Variants in TRPM6 observed in about 807,000 individuals in gnomAD.
TRPM6 encodes the protein transient receptor potential cation channel subfamily M member 6, also known as channel kinase 2.
A neutral mutation model predicts 247.6 loss-of-function variants in TRPM6; 111 were observed. That is an observed-to-expected ratio of 0.45 (90% CI 0.38 to 0.52). TRPM6 has a LOEUF of 0.52. TRPM6 is among the 20% of genes least tolerant of loss of function. The pLI, the probability that TRPM6 is intolerant of heterozygous loss-of-function variation, is 0.00. For synonymous variants in TRPM6, 892 were observed against 853.8 expected, an observed-to-expected ratio of 1.04 and a Z score of -0.78; for missense variants, 2,126 against 2,421.5, an observed-to-expected ratio of 0.88 and a Z score of 2.56.
intron 36 of TRPM6, among the ~76,000 whole-genome samples, chr9:74,732,965 G>A (rs1010821662): frequency 1.3e-5 from 2 of 152,046 alleles, no homozygotes; most frequent in African/African-American, 2.4e-5. Context: ...GGGTGGAGGT[G>A]GGCAGATGAC....
At chr9:74,854,985 G>GT (rs1302719320) in intron 3 of TRPM6, among the ~76,000 whole-genome samples, 1 of 152,110 alleles carries the variant, frequency 6.6e-6, no homozygotes, top group Non-Finnish European at 1.5e-5. Context: ...AGTCCCAAAT[G>GT]TTTTTTTCCA....
intron 19 of TRPM6, among the ~76,000 whole-genome samples, chr9:74,791,781 G>T (rs968659852): frequency 1.3e-5 from 2 of 151,914 alleles, no homozygotes; most frequent in East Asian, 3.9e-4. Context: ...TTTGAGATGG[G>T]GTCTCGCTCT....
Position 74,849,867 on chromosome 9 carries a change from C to G in TRPM6, c.152+5660G>C, listed in dbSNP as rs533682468. Among the ~76,000 whole-genome samples the G allele has an allele frequency of 6.6e-5, 10 of 152,326 alleles. 1 individual carries two copies. The East Asian group carries it at 1.7e-3, about 26-fold the overall frequency. On this transcript the variant is annotated intron_variant, in intron 3 of 38. Transcript: ENST00000360774. ...TGCAGTAATGTAAGGATTGGTTGGA[C>G]AAGGTGGTCTCTAATGCCTTCCATT...
At chr9:74,827,673 A>G (rs1829388656) in intron 7 of TRPM6, 105 bp downstream of exon 7, 1 of 1,206,266 alleles carries the variant, frequency 8.3e-7, no homozygotes, top group African/African-American at 1.5e-5. Flanking sequence ...TAAGGAGGCT[A>G]GCTTGAGGGG....
At chr9:74,767,198 G>A (rs1587483912) in intron 25 of TRPM6, among the ~76,000 whole-genome samples, 1 of 152,108 alleles carries the variant, frequency 6.6e-6, no homozygotes, top group African/African-American at 2.4e-5. Flanking sequence ...CTGTACTGAT[G>A]AATTACAATG....
chr9:74,874,759 A>ATTT (rs34812726), intron 1 of TRPM6, among the ~76,000 whole-genome samples: 5 of 143,234 alleles, frequency 3.5e-5, no homozygotes, highest in African/African-American at 1.3e-4. Flanking sequence ...TTGTAATTGT[A>ATTT]TTTTTTTTTT....
chr9:74,761,545 C>A, intron 27 of TRPM6, 151 bp downstream of exon 27: 1 of 646,410 alleles, frequency 1.5e-6, no homozygotes, highest in South Asian at 1.6e-5. Context: ...CCCCACCCAT[C>A]TCTTAAAAAG....
rs748445601 is a variant in TRPM6, at chr9:74,842,181, G to A, written c.315C>T (p.His105=). 11 of 1,613,548 alleles carry A rather than the reference G, an allele frequency of 6.8e-6. No homozygotes were observed. In the East Asian group the frequency reaches 1.8e-4, roughly 26 times the overall value. Residue 105 remains histidine (H), a synonymous_variant, in exon 4 of 39, where the codon CAC becomes CAT. Transcript: ENST00000360774. ...ATTAGCAAACCTTGGCATGATGGGT[G>A]TGCTCTCCATCTTGGAAATTAATCG... ...FGTINFQDGE[H]THHAKYIRTS...
intron 35 of TRPM6, 32 bp downstream of exon 35, chr9:74,739,335 A>C (rs769887465): frequency 1.9e-6 from 3 of 1,594,324 alleles, no homozygotes; most frequent in Non-Finnish European, 2.6e-6. Context: ...TCCTACTTGA[A>C]ACAAAGGGCC....
intron 37 of TRPM6, among the ~76,000 whole-genome samples, chr9:74,730,028 G>A (rs961816282): frequency 6.6e-6 from 1 of 152,144 alleles, no homozygotes; most frequent in African/African-American, 2.4e-5. Context: ...GTGTAGGGGA[G>A]AATGAAGGAG....
intron 3 of TRPM6, among the ~76,000 whole-genome samples, chr9:74,854,654 A>AT (rs1415645219): frequency 2.0e-5 from 3 of 151,766 alleles, no homozygotes; most frequent in Non-Finnish European, 2.9e-5. Context: ...GAGGGTTCCA[A>AT]TTTTTTATTT....
Position 74,840,113 on chromosome 9 carries a change from G to A in TRPM6, c.455C>T (p.Pro152Leu). Reference sequence around the variant, plus strand: ...GCTGAAAATCTCTTTAAATTTAGAGGGCATAGTAAAGTTCTGGATGCCCCC... The same window carrying A: ...GCTGAAAATCTCTTTAAATTTAGAGAGCATAGTAAAGTTCTGGATGCCCCC... Reference protein sequence around the residue: ...VHGGIQNFTMPSKFKEIFSQG... With the variant: ...VHGGIQNFTMLSKFKEIFSQG... Residue 152 changes from proline (P) to leucine (L), a missense_variant, in exon 5 of 39, where the codon CCC becomes CTC. Physicochemically the swap from Pro to Leu is moderately conservative, Grantham distance 98. This residue lies in a region of TRPM6 where 1,082 missense variants were observed against 1,307.9 expected (regional missense o/e 0.83). Transcript: ENST00000360774. The A allele has an allele frequency of 1.2e-6, 2 of 1,613,940 alleles. No homozygotes were observed. Among genetic ancestry groups the A allele is most frequent in the Non-Finnish European group, 8.5e-7 (1 of 1,179,964 alleles).
At chr9:74,737,877 G>A (rs75252621) in intron 36 of TRPM6, among the ~76,000 whole-genome samples, 3,947 of 152,274 alleles carry the variant, frequency 0.026, 165 homozygotes, top group African/African-American at 0.087. Context: ...AGTCACATGT[G>A]AGGTATTGAT....
intron 37 of TRPM6, among the ~76,000 whole-genome samples, chr9:74,729,397 T>C (rs1825446032): frequency 1.3e-5 from 2 of 152,244 alleles, no homozygotes; most frequent in Admixed American, 6.5e-5. Context: ...CACTTCCTTT[T>C]GGCAGAATAA....
At chr9:74,758,714 G>A (rs967358836) in intron 27 of TRPM6, among the ~76,000 whole-genome samples, 5 of 152,074 alleles carry the variant, frequency 3.3e-5, no homozygotes, top group African/African-American at 1.2e-4. Flanking sequence ...TTTCCCCTAA[G>A]AACAGACACA....
rs1396275176 is a variant in TRPM6 at position 74,763,027 on chromosome 9, G to C, written c.3644C>G (p.Ser1215Cys). ...DSQVGHLQDLSALTVDTLKVL... is the reference protein window; with the variant it reads ...DSQVGHLQDLCALTVDTLKVL... ...TTTCAGGGTATCCACAGTCAGGGCA[G>C]AGAGATCCTGCAGGTGTCCCACCTG... Residue 1215 changes from serine (S) to cysteine (C), a missense_variant, in exon 26 of 39, where the codon TCT (serine) becomes TGT (cysteine). Physicochemically the swap from Ser to Cys is moderately radical, Grantham distance 112. Transcript: ENST00000360774. 1.2e-6 allele frequency: 2 copies of C among 1,614,120 alleles called. No individual in the cohort carries two copies. Among genetic ancestry groups the C allele is most frequent in the Non-Finnish European group, 8.5e-7 (1 of 1,180,008 alleles).
At chr9:74,771,897 T>C in intron 24 of TRPM6, 62 bp from the exon 25 acceptor site, 2 of 1,485,542 alleles carry the variant, frequency 1.3e-6, no homozygotes, top group Non-Finnish European at 9.4e-7. Context: ...TGAGTGGCTT[T>C]TCTTCCACTT....
intron 16 of TRPM6, among the ~76,000 whole-genome samples, chr9:74,801,649 G>A (rs1355676430): frequency 2.0e-5 from 3 of 152,060 alleles, no homozygotes; most frequent in African/African-American, 7.2e-5. Flanking sequence ...CCCGAAATCT[G>A]GTCAACTGAC....
At chr9:74,810,896 A>G (rs749347280) in intron 12 of TRPM6, 28 bp from the exon 13 acceptor site, 1 of 1,579,488 alleles carries the variant, frequency 6.3e-7, no homozygotes, top group African/African-American at 1.3e-5. Flanking sequence ...AGGAAGAATT[A>G]TTCTCTTTAA....
Sources: allele counts gnomAD v4.1 joint callset (sites outside exome capture counted in the v4.1 genomes callset), GRCh38; gene constraint gnomAD v4.1.1; regional missense constraint gnomAD v4.1.1; transcripts MANE v1.5; gene names NCBI Gene and HGNC (gene_info 2026-07-23, HGNC 2026-07-21).